The following CADPS variants were observed in gnomAD, a reference collection of about 807,000 sequenced individuals.
The protein encoded by CADPS is calcium dependent secretion activator.
Under a neutral mutation model 167.3 loss-of-function variants are expected in CADPS, and 57 were observed. That is an observed-to-expected ratio of 0.34 (90% confidence interval 0.28 to 0.42). The LOEUF (loss-of-function observed/expected upper bound fraction) is 0.42. Among genes scored for constraint, CADPS ranks in the 20% least tolerant of loss-of-function variants. The pLI is 1.00. For synonymous variants in CADPS, 676 were observed against 635.3 expected (o/e 1.06, Z -0.96); for missense variants, 1,414 against 1,738.1 (o/e 0.81, Z 3.32).
At chr3:62,755,785 A>G (rs1359930196) in intron 2 of CADPS, among the ~76,000 whole-genome samples, 2 of 152,216 alleles carry the variant, frequency 1.3e-5, no homozygotes, top group Non-Finnish European at 2.9e-5. Flanking sequence ...ATAGTTTCAA[A>G]TGAATCCTCA....
Position 62,726,424 on chromosome 3 carries a change from C to T in CADPS, c.888+27017G>A, listed in dbSNP as rs1457588121. On this transcript the variant is annotated intron_variant, in intron 3 of 29. Coordinates refer to ENST00000383710, the MANE Select transcript of CADPS (RefSeq NM_003716.4). ...TTTGGTTCCAGACTAAAGAGTCATA[C>T]CCCTTGGACTGAATGAAAACAACCC... Among the ~76,000 whole-genome samples, 14 of 151,990 alleles carry T rather than the reference C, an allele frequency of 9.2e-5. No individual in the cohort carries two copies. The East Asian group carries it at 2.5e-3, about 27-fold the overall frequency.
intron 18 of CADPS, among the ~76,000 whole-genome samples, chr3:62,496,132 T>C (rs58193623): frequency 0.021 from 3,113 of 151,758 alleles, 105 homozygotes; most frequent in African/African-American, 0.07. Flanking sequence ...TACTGATCAG[T>C]AGAACATAAT....
intron 17 of CADPS, among the ~76,000 whole-genome samples, chr3:62,503,833 C>T (rs1359747371): frequency 6.6e-6 from 1 of 152,140 alleles, no homozygotes; most frequent in Non-Finnish European, 1.5e-5. Context: ...TCAGTACAGG[C>T]ACAGAGCACT....
chr3:62,545,134 G>A (rs2152142423), intron 11 of CADPS, among the ~76,000 whole-genome samples: 1 of 152,206 alleles, frequency 6.6e-6, no homozygotes, highest in South Asian at 2.1e-4. Flanking sequence ...TCTATGATGT[G>A]ATTAACAGTT....
At chr3:62,423,301 G>T (rs543828214) in intron 28 of CADPS, among the ~76,000 whole-genome samples, 6 of 152,304 alleles carry the variant, frequency 3.9e-5, no homozygotes, top group African/African-American at 1.4e-4. Flanking sequence ...TCATTAAGGG[G>T]TCTCTCTGAT....
intron 4 of CADPS, among the ~76,000 whole-genome samples, chr3:62,658,813 G>C (rs1011507826): frequency 6.6e-6 from 1 of 152,110 alleles, no homozygotes; most frequent in African/African-American, 2.4e-5. Flanking sequence ...CTGCACCAGG[G>C]GTTGGCCCTT....
chr3:62,600,770 A>C (rs1389301874), intron 6 of CADPS, among the ~76,000 whole-genome samples: 1 of 152,230 alleles, frequency 6.6e-6, no homozygotes, highest in Non-Finnish European at 1.5e-5. Context: ...ATAACGTGTG[A>C]GAGTGTCTCA....
chr3:62,697,277 CCT>C (rs3081345), intron 3 of CADPS, among the ~76,000 whole-genome samples: 70,677 of 151,470 alleles, frequency 0.47, 17,622 homozygotes, highest in East Asian at 0.86. Context: ...CATCCTTTCC[CCT>C]GAGTCCCCAA....
intron 1 of CADPS, among the ~76,000 whole-genome samples, chr3:62,784,117 C>T (rs919368106): frequency 2.6e-5 from 4 of 152,034 alleles, no homozygotes; most frequent in South Asian, 4.2e-4. Context: ...TCAAAGACTG[C>T]TGGGATTCTA....
chr3:62,836,814 C>T (rs1037637013), intron 1 of CADPS, among the ~76,000 whole-genome samples: 2 of 152,022 alleles, frequency 1.3e-5, no homozygotes, highest in Non-Finnish European at 2.9e-5. Context: ...CTTTCGCCCA[C>T]CCCCCGTTGT....
chr3:62,664,623 A>G (rs2074068199), intron 3 of CADPS, among the ~76,000 whole-genome samples: 1 of 152,258 alleles, frequency 6.6e-6, no homozygotes, highest in African/African-American at 2.4e-5. Context: ...ATACATATGC[A>G]AATGAAACAT....
chr3:62,737,397 G>T (rs987067094), intron 3 of CADPS, among the ~76,000 whole-genome samples: 2 of 152,074 alleles, frequency 1.3e-5, no homozygotes, highest in Non-Finnish European at 2.9e-5. Context: ...GAGCCCAGGA[G>T]GTAGAGGCTG....
At chr3:62,651,797 C>T (rs189954074) in intron 4 of CADPS, among the ~76,000 whole-genome samples, 78 of 152,260 alleles carry the variant, frequency 5.1e-4, no homozygotes, top group Non-Finnish European at 2.8e-4. Flanking sequence ...GATCAATCAC[C>T]TTCCCAAACA....
chr3:62,515,366 G>C (rs141610347), intron 16 of CADPS, among the ~76,000 whole-genome samples: 124 of 79,302 alleles, frequency 1.6e-3, no homozygotes, highest in Non-Finnish European at 4.1e-3. Context: ...TAATACCTTC[G>C]TGGATGAATA....
chr3:62,587,748 A>G (rs1452266436), intron 7 of CADPS, among the ~76,000 whole-genome samples: 2 of 152,198 alleles, frequency 1.3e-5, no homozygotes, highest in Admixed American at 6.5e-5. Context: ...ATTACCGGCT[A>G]TGCCACAAAG....
At chr3:62,640,305 G>C (rs993815130) in intron 6 of CADPS, among the ~76,000 whole-genome samples, 1 of 152,102 alleles carries the variant, frequency 6.6e-6, no homozygotes, top group Non-Finnish European at 1.5e-5. Flanking sequence ...TAATACATGA[G>C]GCAAGCAACT....
intron 1 of CADPS, among the ~76,000 whole-genome samples, chr3:62,794,296 G>A (rs1471275718): frequency 6.6e-6 from 1 of 152,178 alleles, no homozygotes; most frequent in Non-Finnish European, 1.5e-5. Context: ...TAAGTAAGTA[G>A]TGATGGAAGC....
chr3:62,438,123 T>C lies in CADPS; in HGVS notation c.3758A>G (p.Tyr1253Cys). Residue 1253 changes from tyrosine to cysteine, a missense_variant, in exon 28 of 30, where the codon TAC becomes TGC. By Grantham distance (194) the Tyr-to-Cys change is radical (BLOSUM62 -2). Around this residue, in one of 6 missense-constraint regions of CADPS, gnomAD observed 185 missense variants for 251.5 expected, o/e 0.74. Transcript: ENST00000383710. The surrounding 1 kb of genome is among the most constrained non-coding windows in gnomAD (Gnocchi z 4.7). ...VLRDKVNEEM[Y>C]IERLFDQWYN... ...ACTTACATCAAATAACCTTTCTATGTACATCTCCTCATTGACCTTATCACG... is the reference window on the plus strand; with the variant it reads ...ACTTACATCAAATAACCTTTCTATGCACATCTCCTCATTGACCTTATCACG... 6.2e-7 allele frequency: 1 copy of C among 1,613,012 alleles called. No individual in the cohort carries two copies. Among genetic ancestry groups the C allele is most frequent in the Non-Finnish European group, 8.5e-7 (1 of 1,179,124 alleles).
chr3:62,797,924 A>G (rs965157277), intron 1 of CADPS, among the ~76,000 whole-genome samples: 4 of 152,214 alleles, frequency 2.6e-5, no homozygotes, highest in Non-Finnish European at 5.9e-5. Context: ...AGAAACGACC[A>G]TGAAAACTAA....
Sources: gnomAD v4.1 joint callset for allele counts (sites outside exome capture counted in the v4.1 genomes callset) on GRCh38, gnomAD v4.1.1 for gene constraint, gnomAD v4.1.1 regional missense constraint, Gnocchi (gnomAD v3.1) non-coding constraint, MANE v1.5 for transcripts, NCBI Gene and HGNC (gene_info 2026-07-23, HGNC 2026-07-21) for gene names.